MIOS: variants seen among roughly 807,000 people sequenced by gnomAD.
The protein encoded by MIOS is GATOR2 complex protein MIOS.
In MIOS, 52 loss-of-function variants were observed where a neutral mutation model predicts 96.9. The ratio of observed to expected loss-of-function variants is 0.54; its 90% CI spans 0.43 to 0.68. MIOS has a LOEUF of 0.68. Among genes scored for constraint, MIOS ranks in the 30% least tolerant of loss-of-function variants. The pLI is 0.00. For synonymous variants in MIOS, 397 were observed against 359.5 expected, an observed-to-expected ratio of 1.10 and a Z score of -1.18; for missense variants, 1,005 against 1,052.8, an observed-to-expected ratio of 0.95 and a Z score of 0.63.
chr7:7,569,887 T>C (rs1223641643), intron 3 of MIOS, among the ~76,000 whole-genome samples: 3 of 152,140 alleles, frequency 2.0e-5, no homozygotes, highest in South Asian at 2.1e-4. Flanking sequence ...GGGTATATAC[T>C]CTAGGAAGTG....
At chr7:7,582,634 A>G (rs1783766821) in intron 5 of MIOS, 1 of 979,176 alleles carries the variant, frequency 1.0e-6, no homozygotes, top group Non-Finnish European at 1.2e-6. Flanking sequence ...GTACAGAGAA[A>G]GAAGGAAGAA....
intron 5 of MIOS, among the ~76,000 whole-genome samples, chr7:7,574,507 T>G (rs1783464267): frequency 6.6e-6 from 1 of 152,142 alleles, no homozygotes; most frequent in Non-Finnish European, 1.5e-5. Flanking sequence ...ATTTACAGAT[T>G]ACTGATTGTT....
chr7:7,569,497 A>T (rs1490696352), intron 3 of MIOS, among the ~76,000 whole-genome samples: 1 of 152,244 alleles, frequency 6.6e-6, no homozygotes, highest in East Asian at 1.9e-4. Context: ...AGCATGAGGA[A>T]ATAGGTAAAA....
At position 7,574,136 on chromosome 7, in the gene MIOS, C is replaced by T. The variant is rs1400699096; in HGVS notation, c.1333C>T (p.Pro445Ser). The T allele has an allele frequency of 6.8e-6, 11 of 1,610,828 alleles. No homozygotes were observed. Among genetic ancestry groups the T allele is most frequent in the Non-Finnish European group, 9.3e-6 (11 of 1,178,308 alleles). The change falls in exon 5 of 13, where the codon CCA becomes TCA. Residue 445 changes from proline to serine, a missense_variant. Physicochemically the swap from Pro to Ser is moderately conservative, Grantham distance 74. This residue lies in a region of MIOS where 865 missense variants were observed against 887.9 expected (regional missense o/e 0.97). Coordinates refer to ENST00000340080, the MANE Select transcript of MIOS (RefSeq NM_019005.4). ...QYTEDMDQKS[P>S]GNKGSLVYAG... ...CACAGAAGATATGGATCAGAAATCTCCAGGCAACAAAGGATCATTGGTTTA... is the reference window on the plus strand; with the variant it reads ...CACAGAAGATATGGATCAGAAATCTTCAGGCAACAAAGGATCATTGGTTTA...
At chr7:7,587,189 T>C (rs1783915490) in intron 7 of MIOS, among the ~76,000 whole-genome samples, 1 of 152,076 alleles carries the variant, frequency 6.6e-6, no homozygotes, top group Admixed American at 6.6e-5. Flanking sequence ...TTTGTATTTT[T>C]AGTAGAGACG....
rs972726683 is a variant in MIOS, at chr7:7,608,836, A to T, written c.*1744A>T. The T allele has an allele frequency of 1.6e-4, 24 of 152,052 alleles. No individual in the cohort carries two copies. Among genetic ancestry groups the T allele is most frequent in the African/African-American group, 5.6e-4 (23 of 41,430 alleles). The allele number at this position is 152,052 out of a possible 1,614,324, so 9.4% of individuals were successfully genotyped here. On this transcript the variant is annotated 3_prime_UTR_variant, in exon 13 of 13. Transcript: ENST00000340080. ...ATAAAACATGAATGTAAAGTCTATT[A>T]TGTAATATGCTTATTTGTAATCCTA... is the stretch of plus-strand genomic sequence containing the variant.
chr7:7,580,694 C>CTTTT lies in MIOS; in HGVS notation c.1394-2410_1394-2407dup, dbSNP rs377207804. ...GACCTTTGACTATGTACTATTTTAC[C>CTTTT]TTTTTTTTTTTTTTTTTAAAGAGAC... On this transcript the variant is annotated intron_variant, in intron 5 of 12. Transcript: ENST00000340080. 3.1e-5 allele frequency among the ~76,000 whole-genome samples: 4 copies of CTTTT among 129,978 alleles called. 1 individual carries two copies. The highest frequency in any genetic ancestry group is 8.6e-5 in the African/African-American group (3 of 34,774). The allele number at this position is 129,978 out of a possible 152,430, so 85.3% of individuals were successfully genotyped here. A position where few individuals can be genotyped will look rare whatever the true frequency, so the allele number is the denominator to read the frequency against.
At chr7:7,571,228 T>C (rs1018200677) in intron 3 of MIOS, among the ~76,000 whole-genome samples, 3 of 152,238 alleles carry the variant, frequency 2.0e-5, no homozygotes, top group Non-Finnish European at 1.5e-5. Flanking sequence ...GCATTTAAAT[T>C]TTTGTAGGCA....
chr7:7,591,372 C>T (rs1266130567), intron 9 of MIOS, among the ~76,000 whole-genome samples: 3 of 150,924 alleles, frequency 2.0e-5, no homozygotes, highest in Non-Finnish European at 4.4e-5. Flanking sequence ...TTGCAGCCTC[C>T]AGGCTCAAGC....
At chr7:7,585,466 G>C (rs1474359313) in intron 6 of MIOS, among the ~76,000 whole-genome samples, 170 bp from the exon 7 acceptor site, 2 of 147,584 alleles carry the variant, frequency 1.4e-5, no homozygotes, top group Non-Finnish European at 3.0e-5. Flanking sequence ...GAAAGTAAAG[G>C]AATAAAAGAA....
In MIOS at chr7:7,596,246, T is replaced by C; in HGVS notation, c.2197-11T>C. 2 of 1,611,170 alleles carry C rather than the reference T, an allele frequency of 1.2e-6. No individual in the cohort carries two copies. Among genetic ancestry groups the C allele is most frequent in the East Asian group, 2.2e-5 (1 of 44,814 alleles). On this transcript the variant is annotated splice_polypyrimidine_tract_variant and intron_variant, in intron 10 of 12. Coordinates refer to ENST00000340080, the MANE Select transcript of MIOS (RefSeq NM_019005.4). ...GCATTACATTTATTTTTTCTTTCATTTGTTTTGTAGGTTTTTGTGAGTTGC... is the reference window on the plus strand; with the variant it reads ...GCATTACATTTATTTTTTCTTTCATCTGTTTTGTAGGTTTTTGTGAGTTGC...
chr7:7,606,069 C>A lies in MIOS; in HGVS notation c.2529C>A (p.Phe843Leu). 6.2e-7 allele frequency: 1 copy of A among 1,613,426 alleles called. No homozygotes were observed. Residue 843 changes from phenylalanine (F) to leucine (L), a missense_variant and splice_region_variant, in exon 12 of 13, where the codon TTC becomes TTA. Transcript: ENST00000340080. ...ATGCTGGACATATGCTTAGTTGGTT[C>A]AGGTAATCAGCACATTTCTTCTTTG... ...GGHAGHMLSW[F>L]RDHAECPVSA...
At position 7,607,527 on chromosome 7, in the gene MIOS, T is replaced by C. The variant is rs772165624; in HGVS notation, c.*435T>C. The stretch of plus-strand genomic sequence containing the variant: ...ACAATAGTTTTAAGTTCAGCTGTGC[T>C]TAGATTTCTTTCAGATTAATTTAAA... On this transcript the variant is annotated 3_prime_UTR_variant, in exon 13 of 13. Transcript: ENST00000340080. The C allele has an allele frequency of 6.5e-6, 1 of 153,586 alleles. No individual in the cohort carries two copies. The highest frequency in any genetic ancestry group is 2.4e-5 in the African/African-American group (1 of 41,432). The allele number at this position is 153,586 out of a possible 1,614,324, so 9.5% of individuals were successfully genotyped here.
At chr7:7,594,390 TC>T (rs1233856089) in intron 9 of MIOS, among the ~76,000 whole-genome samples, 1 of 145,654 alleles carries the variant, frequency 6.9e-6, no homozygotes, top group East Asian at 1.9e-4. Flanking sequence ...CACTGCAACT[TC>T]CGCCTCCCGG....
chr7:7,582,955 C>A, intron 5 of MIOS, 163 bp from the exon 6 acceptor site: 1 of 820,842 alleles, frequency 1.2e-6, no homozygotes, highest in South Asian at 2.3e-5. Flanking sequence ...TAAAAACATG[C>A]AAAATATGTT....
rs989431560 is a variant in MIOS, at chr7:7,575,825, A to G, written c.1393+1629A>G. On this transcript the variant is annotated intron_variant, in intron 5 of 12. Coordinates refer to ENST00000340080, the MANE Select transcript of MIOS (RefSeq NM_019005.4). ...TAGTCTCTACCCAGACTAAAGAAAC[A>G]CTACTGTTGGAAAGATTTCCTCATT... is the stretch of plus-strand genomic sequence containing the variant. 3.3e-5 allele frequency among the ~76,000 whole-genome samples: 5 copies of G among 151,910 alleles called. No individual in the cohort carries two copies. The East Asian group carries it at 5.8e-4, about 18-fold the overall frequency.
Position 7,572,622 on chromosome 7 carries a change from T to C in MIOS, c.147T>C (p.Ser49=). 6.2e-7 allele frequency: 1 copy of C among 1,614,190 alleles called. No individual in the cohort carries two copies. Among genetic ancestry groups the C allele is most frequent in the Non-Finnish European group, 8.5e-7 (1 of 1,180,018 alleles). ...GATCTTTACGTTTATCTGAAGACTC[T>C]GCAGCTACATTACTGTCAATAAATT... The part of the protein sequence containing the change: ...KAGSLRLSED[S]AATLLSINSD... Residue 49 remains serine (S), a synonymous_variant, in exon 4 of 13, where the codon TCT becomes TCC. Coordinates refer to ENST00000340080, the MANE Select transcript of MIOS (RefSeq NM_019005.4). This position sits in a 1 kb window ranked among gnomAD's most constrained non-coding sequence, Gnocchi z 4.8.
chr7:7,594,173 G>A (rs899917322), intron 9 of MIOS, among the ~76,000 whole-genome samples: 13 of 152,174 alleles, frequency 8.5e-5, no homozygotes, highest in African/African-American at 3.1e-4. Context: ...GAAGGCAAGA[G>A]TAAGAATAGA....
At chr7:7,582,731 G>A (rs564716281) in intron 5 of MIOS, 17 of 472,990 alleles carry the variant, frequency 3.6e-5, no homozygotes, top group African/African-American at 3.0e-4. Flanking sequence ...GAGCTTATGC[G>A]CTACTGGGAG....
Sources: allele counts gnomAD v4.1 joint callset (sites outside exome capture counted in the v4.1 genomes callset), GRCh38; gene constraint gnomAD v4.1.1; regional missense constraint gnomAD v4.1.1; non-coding constraint Gnocchi (gnomAD v3.1); transcripts MANE v1.5; gene names NCBI Gene and HGNC (gene_info 2026-07-23, HGNC 2026-07-21).